Variants in SGCZ observed in about 807,000 individuals in gnomAD.
The protein encoded by SGCZ is sarcoglycan zeta.
SGCZ carries 40 observed loss-of-function variants against 41.3 expected under a neutral mutation model. The observed-to-expected ratio is 0.97, with a 90% CI of 0.75 to 1.26. The LOEUF is 1.26. Among genes scored for constraint, SGCZ ranks in the 50% most tolerant of loss-of-function variants. SGCZ has a pLI of 0.00. For missense variants in SGCZ, 552 were observed against 369.8 expected, an observed-to-expected ratio of 1.49 and a Z score of -4.04; for synonymous variants, 206 against 137.5, an observed-to-expected ratio of 1.50 and a Z score of -3.49.
At chr8:14,956,891 G>T (rs1364202291) in intron 1 of SGCZ, among the ~76,000 whole-genome samples, 1 of 151,884 alleles carries the variant, frequency 6.6e-6, no homozygotes, top group Non-Finnish European at 1.5e-5. Flanking sequence ...CTGGTATTTG[G>T]AACTGGCAGT....
At chr8:14,793,227 C>T (rs375774388) in intron 1 of SGCZ, among the ~76,000 whole-genome samples, 4 of 152,104 alleles carry the variant, frequency 2.6e-5, no homozygotes, top group East Asian at 1.9e-4. Flanking sequence ...CACTGTCTAC[C>T]GCTTTGCTCA....
intron 1 of SGCZ, among the ~76,000 whole-genome samples, chr8:14,875,302 AC>A (rs1190570199): frequency 6.6e-6 from 1 of 152,144 alleles, no homozygotes; most frequent in Non-Finnish European, 1.5e-5. Context: ...AAGAGCGCTA[AC>A]CCATTAATGA....
intron 1 of SGCZ, among the ~76,000 whole-genome samples, chr8:14,640,238 G>A (rs1374496152): frequency 2.0e-5 from 3 of 151,668 alleles, no homozygotes; most frequent in African/African-American, 4.8e-5. Context: ...CCTGTAAAGT[G>A]TCCTTCAGAA....
chr8:14,117,149 TTGTCCTC>T (rs937230726), intron 5 of SGCZ, among the ~76,000 whole-genome samples: 2 of 152,064 alleles, frequency 1.3e-5, no homozygotes, highest in African/African-American at 2.4e-5. Context: ...TTAAAGGTGT[TTGTCCTC>T]TGACCTACAA....
intron 1 of SGCZ, among the ~76,000 whole-genome samples, chr8:14,916,301 A>G (rs1321586223): frequency 2.0e-5 from 3 of 152,228 alleles, no homozygotes; most frequent in Non-Finnish European, 4.4e-5. Context: ...GATTATATAC[A>G]TATAGCACAG....
intron 6 of SGCZ, among the ~76,000 whole-genome samples, chr8:14,104,835 A>G (rs370057590): frequency 1.3e-5 from 2 of 152,166 alleles, no homozygotes; most frequent in African/African-American, 2.4e-5. Context: ...TATTTTTGCA[A>G]CAATGAGAAT....
intron 5 of SGCZ, among the ~76,000 whole-genome samples, chr8:14,162,307 A>T (rs1388770114): frequency 6.6e-6 from 1 of 152,154 alleles, no homozygotes; most frequent in Non-Finnish European, 1.5e-5. Flanking sequence ...TGGATTAAAT[A>T]AATTTTTGAT....
At chr8:15,102,464 G>C (rs1043723999) in intron 1 of SGCZ, among the ~76,000 whole-genome samples, 1 of 152,142 alleles carries the variant, frequency 6.6e-6, no homozygotes, top group Non-Finnish European at 1.5e-5. Flanking sequence ...TTATGCATTT[G>C]TCAAAACCCA....
chr8:15,068,482 C>T (rs1461784568), intron 1 of SGCZ, among the ~76,000 whole-genome samples: 1 of 152,154 alleles, frequency 6.6e-6, no homozygotes, highest in African/African-American at 2.4e-5. Flanking sequence ...CTATGAAAAC[C>T]TGTGATATAA....
intron 5 of SGCZ, among the ~76,000 whole-genome samples, chr8:14,158,864 G>A (rs1009812616): frequency 2.6e-5 from 4 of 152,082 alleles, no homozygotes; most frequent in Non-Finnish European, 4.4e-5. Context: ...TGCCTCCTGG[G>A]TTCAAATGAT....
chr8:14,119,131 G>A (rs1802614016), intron 5 of SGCZ, among the ~76,000 whole-genome samples: 1 of 151,996 alleles, frequency 6.6e-6, no homozygotes, highest in South Asian at 2.1e-4. Context: ...GGATAGCATT[G>A]AATCTATAAA....
chr8:15,211,465 T>C (rs1200594366), intron 1 of SGCZ, among the ~76,000 whole-genome samples: 1 of 152,132 alleles, frequency 6.6e-6, no homozygotes, highest in Admixed American at 6.6e-5. Context: ...TCCTTCATTA[T>C]CTACCCAACC....
intron 2 of SGCZ, among the ~76,000 whole-genome samples, chr8:14,497,945 A>G (rs1802040402): frequency 6.6e-6 from 1 of 152,200 alleles, no homozygotes; most frequent in Admixed American, 6.6e-5. Flanking sequence ...TCCATTGCCC[A>G]TAAAGGTTGT....
At chr8:15,060,946 C>G (rs1433339451) in intron 1 of SGCZ, among the ~76,000 whole-genome samples, 2 of 152,096 alleles carry the variant, frequency 1.3e-5, no homozygotes, top group Non-Finnish European at 2.9e-5. Context: ...CAGGGATCAG[C>G]CAGAAATTTG....
chr8:14,837,250 T>C (rs893702248), intron 1 of SGCZ, among the ~76,000 whole-genome samples: 2 of 152,178 alleles, frequency 1.3e-5, no homozygotes, highest in Non-Finnish European at 2.9e-5. Flanking sequence ...AGGAAGGCCA[T>C]TTTGAATAGG....
intron 2 of SGCZ, among the ~76,000 whole-genome samples, chr8:14,384,060 A>G (rs1804474454): frequency 6.6e-6 from 1 of 151,654 alleles, no homozygotes. Flanking sequence ...GGTGTGCTGC[A>G]CCCATTAACT....
At position 14,973,543 on chromosome 8, in the gene SGCZ, A is replaced by G. The variant is rs530602142; in HGVS notation, c.39+264042T>C. ...TTTTTGCTTTGACACTACCGTAATGAATATGCATTCTTCTCTGACCTAAAG... is the reference window on the plus strand; with the variant it reads ...TTTTTGCTTTGACACTACCGTAATGGATATGCATTCTTCTCTGACCTAAAG... On this transcript the variant is annotated intron_variant, in intron 1 of 7. Transcript: ENST00000382080. Among the ~76,000 whole-genome samples, 27 of 152,248 alleles carry G rather than the reference A, an allele frequency of 1.8e-4. No homozygotes were observed. The South Asian group carries it at 5.6e-3, about 32-fold the overall frequency.
intron 2 of SGCZ, among the ~76,000 whole-genome samples, chr8:14,433,432 G>C (rs553602150): frequency 6.6e-6 from 1 of 152,236 alleles, no homozygotes; most frequent in Admixed American, 6.5e-5. Flanking sequence ...ACTAAAACTA[G>C]GTTATATGCA....
At chr8:14,290,905 C>G (rs772233261) in intron 3 of SGCZ, among the ~76,000 whole-genome samples, 2 of 152,112 alleles carry the variant, frequency 1.3e-5, no homozygotes, top group Admixed American at 6.6e-5. Context: ...TATATAGTAA[C>G]AGTATTCACC....
Sources: gnomAD v4.1 joint callset for allele counts (sites outside exome capture counted in the v4.1 genomes callset) on GRCh38, gnomAD v4.1.1 for gene constraint, MANE v1.5 for transcripts, NCBI Gene and HGNC (gene_info 2026-07-23, HGNC 2026-07-21) for gene names.